The following KAZN variants were observed in gnomAD, a reference collection of about 807,000 sequenced individuals.
KAZN encodes the protein kazrin.
Under a neutral mutation model 87.4 loss-of-function variants are expected in KAZN, and 40 were observed. That is an observed-to-expected ratio of 0.46 (90% CI 0.36 to 0.60). The LOEUF is 0.60. KAZN is among the 20% of genes least tolerant of loss of function. The pLI is 0.00. For synonymous variants in KAZN, 466 were observed against 458.3 expected (o/e 1.02, Z -0.22); for missense variants, 898 against 1,073.9 (o/e 0.84, Z 2.29).
chr1:14,592,833 C>A (rs932917703), intron 2 of KAZN, among the ~76,000 whole-genome samples: 1 of 152,196 alleles, frequency 6.6e-6, no homozygotes, highest in Non-Finnish European at 1.5e-5. Flanking sequence ...CCTTGTCCCA[C>A]GTACGGATTC....
chr1:15,032,742 A>T (rs1281358906), intron 2 of KAZN, among the ~76,000 whole-genome samples: 1 of 151,932 alleles, frequency 6.6e-6, no homozygotes, highest in Non-Finnish European at 1.5e-5. Context: ...TGAGATCAGG[A>T]GTTCGAGACC....
At chr1:14,562,496 G>A (rs778613539) in intron 2 of KAZN, among the ~76,000 whole-genome samples, 4 of 152,146 alleles carry the variant, frequency 2.6e-5, no homozygotes, top group Non-Finnish European at 4.4e-5. Context: ...GACCTATTGC[G>A]GTGGATTGTC....
chr1:14,974,440 G>A (rs1665400267), intron 2 of KAZN, among the ~76,000 whole-genome samples: 1 of 152,194 alleles, frequency 6.6e-6, no homozygotes, highest in Non-Finnish European at 1.5e-5. Flanking sequence ...TTTTAAAGTA[G>A]GGTAAGATCA....
At chr1:14,552,425 C>T (rs1414449257) in intron 2 of KAZN, among the ~76,000 whole-genome samples, 3 of 152,246 alleles carry the variant, frequency 2.0e-5, no homozygotes, top group Non-Finnish European at 4.4e-5. Flanking sequence ...CGTACCACGG[C>T]TCCCCTTCCG....
chr1:15,084,608 G>C (rs1335092341), intron 8 of KAZN, among the ~76,000 whole-genome samples: 2 of 152,200 alleles, frequency 1.3e-5, no homozygotes, highest in Non-Finnish European at 1.5e-5. Context: ...TTATCAGGGG[G>C]TTAAATTTTG....
At chr1:14,335,885 A>T (rs1657229101) in intron 2 of KAZN, among the ~76,000 whole-genome samples, 1 of 152,180 alleles carries the variant, frequency 6.6e-6, no homozygotes, top group Non-Finnish European at 1.5e-5. Context: ...GGCACAATGG[A>T]AAGAATACCA....
intron 2 of KAZN, among the ~76,000 whole-genome samples, chr1:15,000,748 A>C (rs1668379575): frequency 6.6e-6 from 1 of 151,944 alleles, no homozygotes; most frequent in Non-Finnish European, 1.5e-5. Context: ...AGGCAGGGAA[A>C]GAGGGGGTGT....
intron 1 of KAZN, among the ~76,000 whole-genome samples, chr1:13,899,338 A>G (rs778599233): frequency 1.3e-5 from 2 of 152,238 alleles, no homozygotes; most frequent in Non-Finnish European, 2.9e-5. Context: ...GAGGCCCGTA[A>G]AGAGAAATAT....
intron 2 of KAZN, among the ~76,000 whole-genome samples, chr1:14,358,884 G>GA (rs1325179521): frequency 2.6e-5 from 4 of 152,090 alleles, no homozygotes; most frequent in Admixed American, 2.0e-4. Context: ...GTGGTGCTGA[G>GA]AAAAAAATGT....
chr1:14,704,049 C>T lies in KAZN; in HGVS notation c.226+104826C>T, dbSNP rs557603222. 1.3e-5 allele frequency among the ~76,000 whole-genome samples: 2 copies of T among 152,296 alleles called. 1 individual carries two copies. Among genetic ancestry groups the T allele is most frequent in the South Asian group, 4.2e-4 (2 of 4,818 alleles). ...CACCCAGCGTCAGCTCTTGGAGGAG[C>T]AAGAAGGCAGCAGAAGAAAGTAGTA... On this transcript the variant is annotated intron_variant, in intron 1 of 14. Coordinates refer to ENST00000376030, the MANE Select transcript of KAZN (RefSeq NM_201628.3).
At chr1:14,431,636 G>A (rs370998356) in intron 2 of KAZN, among the ~76,000 whole-genome samples, 1 of 152,306 alleles carries the variant, frequency 6.6e-6, no homozygotes, top group East Asian at 1.9e-4. Flanking sequence ...AACAAAGCAG[G>A]CAGAAGAAGA....
In KAZN at chr1:14,148,082, G is replaced by A. The variant is rs547621358; in HGVS notation, c.92-32353G>A. On this transcript the variant is annotated intron_variant, in intron 1 of 16. Coordinates refer to the KAZN transcript ENST00000636203. Reference sequence around the variant, plus strand: ...AAAAAAATTTAAAAATTAGCCGGGTGTGGTGGCGGGCACCTGTGGTCCCAG... The same window carrying A: ...AAAAAAATTTAAAAATTAGCCGGGTATGGTGGCGGGCACCTGTGGTCCCAG... 4.7e-4 allele frequency among the ~76,000 whole-genome samples: 71 copies of A among 151,638 alleles called. 1 individual carries two copies. Among genetic ancestry groups the A allele is most frequent in the Non-Finnish European group, 9.1e-4 (62 of 67,920 alleles).
intron 1 of KAZN, among the ~76,000 whole-genome samples, chr1:13,933,214 C>T (rs991852170): frequency 8.6e-5 from 13 of 151,888 alleles, no homozygotes; most frequent in Middle Eastern, 3.2e-3. Flanking sequence ...ATTCATCGGC[C>T]GGGCGCAGTG....
At chr1:15,082,693 G>GTTTGT (rs750547043) in intron 8 of KAZN, among the ~76,000 whole-genome samples, 5 of 152,070 alleles carry the variant, frequency 3.3e-5, no homozygotes, top group Non-Finnish European at 7.4e-5. Flanking sequence ...GTTTGTTTTT[G>GTTTGT]TTTGTTTTGT....
In KAZN at chr1:15,094,139, C is replaced by T. The variant is rs1640693001; in HGVS notation, c.1223-41C>T. On this transcript the variant is annotated intron_variant, in intron 8 of 14. Transcript: ENST00000376030. The surrounding 1 kb of genome is among the most constrained non-coding windows in gnomAD (Gnocchi z 4.5). ...TGGCCTGCCCAGCCCCTGCCCCCAGCAGCCTCGTCCCCCAGCATGGCCTGC... is the reference window on the plus strand; with the variant it reads ...TGGCCTGCCCAGCCCCTGCCCCCAGTAGCCTCGTCCCCCAGCATGGCCTGC... The T allele has an allele frequency of 3.1e-6, 5 of 1,588,830 alleles. No individual in the cohort carries two copies. Among genetic ancestry groups the T allele is most frequent in the Non-Finnish European group, 3.4e-6 (4 of 1,165,060 alleles).
At chr1:13,960,124 A>G (rs1333939069) in intron 1 of KAZN, among the ~76,000 whole-genome samples, 1 of 152,198 alleles carries the variant, frequency 6.6e-6, no homozygotes, top group African/African-American at 2.4e-5. Context: ...ATCATTAAAA[A>G]TCATGTTTAG....
chr1:15,010,761 G>A (rs1349074411), intron 2 of KAZN, among the ~76,000 whole-genome samples: 2 of 152,190 alleles, frequency 1.3e-5, no homozygotes, highest in East Asian at 3.9e-4. Flanking sequence ...AGAAGTAGCA[G>A]AGTGGCAGTG....
intron 1 of KAZN, among the ~76,000 whole-genome samples, chr1:14,671,389 C>T (rs899989722): frequency 6.6e-6 from 1 of 152,178 alleles, no homozygotes; most frequent in Non-Finnish European, 1.5e-5. Flanking sequence ...ATGGCAGAGT[C>T]TTTGGAGAAA....
intron 2 of KAZN, among the ~76,000 whole-genome samples, chr1:14,561,749 C>T (rs1674267522): frequency 6.6e-6 from 1 of 151,826 alleles, no homozygotes; most frequent in Admixed American, 6.6e-5. Flanking sequence ...ACTAAAAATA[C>T]AAAAATTAGC....
Sources: allele counts gnomAD v4.1 joint callset (sites outside exome capture counted in the v4.1 genomes callset), GRCh38; gene constraint gnomAD v4.1.1; non-coding constraint Gnocchi (gnomAD v3.1); transcripts MANE v1.5; gene names NCBI Gene and HGNC (gene_info 2026-07-23, HGNC 2026-07-21).